ATAD3A: variants seen among roughly 807,000 people sequenced by gnomAD.
The protein encoded by ATAD3A is ATPase family AAA domain containing 3A.
Under a neutral mutation model 73.8 loss-of-function variants are expected in ATAD3A, and 46 were observed. That is an observed-to-expected ratio of 0.62 (90% CI 0.49 to 0.80). ATAD3A has a LOEUF of 0.80. Among genes scored for constraint, ATAD3A ranks in the 30% least tolerant of loss-of-function variants. ATAD3A has a pLI of 0.00. For missense variants in ATAD3A, 705 were observed against 838.0 expected (o/e 0.84, Z 1.96); for synonymous variants, 319 against 350.0 (o/e 0.91, Z 0.99).
At chr1:1,514,278 C>T (rs1641286439) in intron 1 of ATAD3A, among the ~76,000 whole-genome samples, 1 of 151,936 alleles carries the variant, frequency 6.6e-6, no homozygotes, top group Non-Finnish European at 1.5e-5. Context: ...AAGGTCCCCT[C>T]GGGAGGAAAC....
chr1:1,529,156 T>C, intron 14 of ATAD3A, 67 bp from the exon 15 acceptor site: 5 of 1,584,546 alleles, frequency 3.2e-6, no homozygotes, highest in Non-Finnish European at 4.3e-6. Context: ...CTGCCTGTCT[T>C]CCGGCCTCCA....
intron 14 of ATAD3A, 93 bp from the exon 15 acceptor site, chr1:1,529,130 G>T (rs188649727): frequency 6.5e-7 from 1 of 1,543,392 alleles, no homozygotes; most frequent in Non-Finnish European, 8.8e-7. Context: ...GATGTTTGGC[G>T]TGGGTGTCGG....
chr1:1,533,829 C>T lies in ATAD3A; in HGVS notation c.1615-97C>T, dbSNP rs989569212. On this transcript the variant is annotated intron_variant, in intron 15 of 15. Coordinates refer to ENST00000378756, the MANE Select transcript of ATAD3A (RefSeq NM_001170535.3). ...GTTTCACGCTCAGGCCATCCTGGAG[C>T]CCCTGGTTTGGTCCCTCCCCACCTC... 346 of 1,453,054 alleles carry T rather than the reference C, an allele frequency of 2.4e-4. 3 individuals are homozygous for T. The highest frequency in any genetic ancestry group is 3.0e-4 in the Non-Finnish European group (326 of 1,087,386). The allele number at this position is 1,453,054 out of a possible 1,614,324, so 90.0% of individuals were successfully genotyped here. A position where few individuals can be genotyped will look rare whatever the true frequency, so the allele number is the denominator to read the frequency against.
chr1:1,518,916 C>T lies in ATAD3A; in HGVS notation c.445-5C>T. The T allele has an allele frequency of 1.9e-6, 3 of 1,614,136 alleles. No homozygotes were observed. Among genetic ancestry groups the T allele is most frequent in the South Asian group, 1.1e-5 (1 of 91,082 alleles). ...CTTTTCTCTTTTTCTGCGGCTTCTT[C>T]TCAGCAACTTCTCAATGAGGAGAAT... is the stretch of plus-strand genomic sequence containing the variant. On this transcript the variant is annotated splice_region_variant and splice_polypyrimidine_tract_variant and intron_variant, in intron 4 of 15. Transcript: ENST00000378756.
At chr1:1,515,605 TC>T (rs1400426793) in intron 1 of ATAD3A, among the ~76,000 whole-genome samples, 3 of 152,188 alleles carry the variant, frequency 2.0e-5, no homozygotes, top group Admixed American at 2.0e-4. Context: ...TCTTATTCAT[TC>T]CCTTTCTTGC....
At chr1:1,527,883 G>GC in intron 14 of ATAD3A, 21 bp downstream of exon 14, 1 of 1,603,878 alleles carries the variant, frequency 6.2e-7, no homozygotes, top group Non-Finnish European at 8.5e-7. Context: ...CGCCCCACCA[G>GC]CCCCCGTCCA....
chr1:1,514,393 G>C (rs542847314), intron 1 of ATAD3A, among the ~76,000 whole-genome samples: 93 of 152,338 alleles, frequency 6.1e-4, no homozygotes, highest in African/African-American at 2.2e-3. Flanking sequence ...AGTGAGAGTG[G>C]TTGAGAGCCC....
intron 1 of ATAD3A, chr1:1,512,804 C>G: frequency 9.7e-7 from 1 of 1,034,062 alleles, no homozygotes; most frequent in South Asian, 2.5e-5. Flanking sequence ...CTTGCCGCCT[C>G]CACGTGGCAC....
chr1:1,529,186 C>G lies in ATAD3A; in HGVS notation c.1506-37C>G, dbSNP rs750447001. 5.0e-6 allele frequency: 8 copies of G among 1,603,000 alleles called. No individual in the cohort carries two copies. The African/African-American group carries it at 1.1e-4, about 21-fold the overall frequency. ...CCTCCACCTCGTGTTGTGGGAGCTGCTGCCTTGGCCGGCCCACTTGGGAAC... is the reference window on the plus strand; with the variant it reads ...CCTCCACCTCGTGTTGTGGGAGCTGGTGCCTTGGCCGGCCCACTTGGGAAC... On this transcript the variant is annotated intron_variant, in intron 14 of 15. Transcript: ENST00000378756.
At chr1:1,522,607 G>C in intron 7 of ATAD3A, 137 bp from the exon 8 acceptor site, 1 of 1,488,044 alleles carries the variant, frequency 6.7e-7, no homozygotes, top group South Asian at 1.4e-5. Flanking sequence ...CCGGGAATTC[G>C]CGTTCCTGTG....
intron 1 of ATAD3A, among the ~76,000 whole-genome samples, chr1:1,513,694 T>C (rs1378421789): frequency 2.0e-5 from 3 of 152,142 alleles, no homozygotes; most frequent in Non-Finnish European, 4.4e-5. Flanking sequence ...CAGAGTTGAC[T>C]GCCCCCTTTC....
At position 1,520,599 on chromosome 1, in the gene ATAD3A, G is replaced by T; in HGVS notation, c.732G>T (p.Trp244Cys). Residue 244 changes from tryptophan (W) to cysteine (C), a missense_variant, in exon 7 of 16, where the codon TGG (tryptophan) becomes TGT (cysteine). Trp to Cys is a radical substitution (Grantham distance 215). Coordinates refer to ENST00000378756, the MANE Select transcript of ATAD3A (RefSeq NM_001170535.3). The surrounding 1 kb of genome is among the most constrained non-coding windows in gnomAD (Gnocchi z 4.0). ...GEGFRAFVTD[W>C]DKVTATVAGL... ...GATTCCGTGCCTTTGTGACAGACTG[G>T]GACAAAGTGACAGCCACGGTAAACA... 2 of 1,613,628 alleles carry T rather than the reference G, an allele frequency of 1.2e-6. No homozygotes were observed. The highest frequency in any genetic ancestry group is 1.7e-6 in the Non-Finnish European group (2 of 1,179,878).
chr1:1,529,960 A>G (rs1269878417), intron 15 of ATAD3A, among the ~76,000 whole-genome samples: 1 of 152,364 alleles, frequency 6.6e-6, no homozygotes, highest in East Asian at 1.9e-4. Flanking sequence ...CACCCTGGCC[A>G]CGCACAGGCA....
chr1:1,534,087 C>G lies in ATAD3A; in HGVS notation c.*15C>G. ...CCCCATCCTGAGTCCACAGGGAGAT[C>G]CACAGCTCACGGAGCCTGGCCGCGG... is the stretch of plus-strand genomic sequence containing the variant. On this transcript the variant is annotated 3_prime_UTR_variant, in exon 16 of 16. Coordinates refer to ENST00000378756, the MANE Select transcript of ATAD3A (RefSeq NM_001170535.3). 6 of 1,613,384 alleles carry G rather than the reference C, an allele frequency of 3.7e-6. No homozygotes were observed. Among genetic ancestry groups the G allele is most frequent in the Non-Finnish European group, 4.2e-6 (5 of 1,179,794 alleles).
intron 4 of ATAD3A, among the ~76,000 whole-genome samples, 191 bp downstream of exon 4, chr1:1,517,966 C>T (rs1641419313): frequency 1.3e-5 from 2 of 151,864 alleles, no homozygotes; most frequent in South Asian, 2.1e-4. Flanking sequence ...GACGTGTGCA[C>T]ACATGTACAT....
In ATAD3A at chr1:1,524,235, G is replaced by T. The variant is rs769108907; in HGVS notation, c.1090-38G>T. The T allele has an allele frequency of 4.3e-6, 7 of 1,613,618 alleles. No homozygotes were observed. In the African/African-American group the frequency reaches 8.0e-5, roughly 18 times the overall value. On this transcript the variant is annotated intron_variant, in intron 10 of 15. Coordinates refer to ENST00000378756, the MANE Select transcript of ATAD3A (RefSeq NM_001170535.3). Reference sequence around the variant, plus strand: ...TGTGCAGGCTTTGCAGAGGCGGAGGGAACATCTGCTCTGTCTCCCCTCACT... The same window carrying T: ...TGTGCAGGCTTTGCAGAGGCGGAGGTAACATCTGCTCTGTCTCCCCTCACT...
chr1:1,518,497 C>CAGTCACCCGCCT (rs1641453631), intron 4 of ATAD3A, among the ~76,000 whole-genome samples: 1 of 113,750 alleles, frequency 8.8e-6, no homozygotes. Flanking sequence ...CACATGGGCA[C>CAGTCACCCGCCT]GCACACAACC....
intron 7 of ATAD3A, among the ~76,000 whole-genome samples, chr1:1,521,975 C>T (rs1302978404): frequency 1.3e-5 from 2 of 152,184 alleles, no homozygotes; most frequent in Non-Finnish European, 1.5e-5. Flanking sequence ...GTGATCCAGC[C>T]GTCTTGGCCT....
At chr1:1,531,630 T>C (rs61777887) in intron 15 of ATAD3A, among the ~76,000 whole-genome samples, 4,180 of 149,112 alleles carry the variant, frequency 0.028, 94 homozygotes, top group Middle Eastern at 0.082. Flanking sequence ...AAAAAAAAAT[T>C]AGCCAGATGT....
Sources: allele counts gnomAD v4.1 joint callset (sites outside exome capture counted in the v4.1 genomes callset), GRCh38; gene constraint gnomAD v4.1.1; non-coding constraint Gnocchi (gnomAD v3.1); transcripts MANE v1.5; gene names NCBI Gene and HGNC (gene_info 2026-07-23, HGNC 2026-07-21).